The following NUP98 variants were observed in gnomAD, a reference collection of about 807,000 sequenced individuals.
NUP98 encodes nuclear pore complex protein Nup98-Nup96.
A neutral mutation model predicts 191.9 loss-of-function variants in NUP98; 26 were observed. The ratio of observed to expected loss-of-function variants is 0.14; its 90% CI spans 0.10 to 0.19. The LOEUF is 0.19. Ranked by LOEUF, NUP98 falls within the 10% of genes least tolerant of loss-of-function variation. The probability of loss-of-function intolerance (pLI) is 1.00; values close to 1 mark genes in which losing one functional copy is unlikely to be tolerated. For missense variants in NUP98, 1,941 were observed against 2,178.8 expected (o/e 0.89, Z 2.17); for synonymous variants, 808 against 778.4 (o/e 1.04, Z -0.63).
intron 7 of NUP98, among the ~76,000 whole-genome samples, chr11:3,769,325 C>A (rs977760407): frequency 4.6e-5 from 7 of 151,948 alleles, no homozygotes; most frequent in Non-Finnish European, 1.0e-4. Context: ...ACTTGGGAGA[C>A]CGAGGTGGGT....
In NUP98 at chr11:3,729,559, A is replaced by T. The variant is rs866062829; in HGVS notation, c.1730+1832T>A. On this transcript the variant is annotated intron_variant, in intron 14 of 32. Transcript: ENST00000324932. ...CTGTATCTCCAAAAAAAAAAAAAAAAAAAAAAAAATTACTGGGCATGGTGG... is the reference window on the plus strand; with the variant it reads ...CTGTATCTCCAAAAAAAAAAAAAAATAAAAAAAAATTACTGGGCATGGTGG... Among the ~76,000 whole-genome samples, 130 of 148,910 alleles carry T rather than the reference A, an allele frequency of 8.7e-4. 1 individual carries two copies. The highest frequency in any genetic ancestry group is 3.1e-3 in the African/African-American group (124 of 40,638).
intron 5 of NUP98, 48 bp from the exon 6 acceptor site, chr11:3,773,787 C>T (rs762127983): frequency 9.1e-7 from 1 of 1,098,448 alleles, no homozygotes; most frequent in Non-Finnish European, 1.4e-6. Context: ...TTTTACATTC[C>T]TACTCTCTCA....
Position 3,695,517 on chromosome 11 carries a change from G to C in NUP98, c.4099C>G (p.Gln1367Glu), listed in dbSNP as rs758120825. Residue 1367 changes from glutamine (Q) to glutamate (E), a missense_variant, in exon 26 of 33, where the codon CAG becomes GAG. Physicochemically the swap from Gln to Glu is conservative, Grantham distance 29. This residue lies in a region of NUP98 where 1,030 missense variants were observed against 1,115.8 expected (regional missense o/e 0.92). Coordinates refer to ENST00000324932, the MANE Select transcript of NUP98 (RefSeq NM_016320.5). ...TGGATGAAGGAGTCTGCTTGGAGCT[G>C]ATGCCAGTCCACCAACTGCATGGTG... The part of the protein sequence containing the change: ...LLTMQLVDWH[Q>E]LQADSFIQDE... 6.2e-7 allele frequency: 1 copy of C among 1,611,572 alleles called. No individual in the cohort carries two copies. Among genetic ancestry groups the C allele is most frequent in the South Asian group, 1.1e-5 (1 of 90,514 alleles).
At position 3,691,428 on chromosome 11, in the gene NUP98, C is replaced by A. The variant is rs1410356079; in HGVS notation, c.4373G>T (p.Gly1458Val). Reference protein sequence around the residue: ...SPLPSYLEGSGCVIAEEQNSQ... With the variant: ...SPLPSYLEGSVCVIAEEQNSQ... ...GTTTTGCTCCTCCGCTATCACACAG[C>A]CAGAACCCTCCAGATACGAAGGAAG... Residue 1458 changes from glycine (G) to valine (V), a missense_variant, in exon 28 of 33, where the codon GGC (glycine) becomes GTC (valine). This residue lies in a region of NUP98 where 1,030 missense variants were observed against 1,115.8 expected (regional missense o/e 0.92). Coordinates refer to ENST00000324932, the MANE Select transcript of NUP98 (RefSeq NM_016320.5). The A allele has an allele frequency of 6.2e-7, 1 of 1,614,052 alleles. No homozygotes were observed. The highest frequency in any genetic ancestry group is 1.3e-5 in the African/African-American group (1 of 74,924).
intron 14 of NUP98, among the ~76,000 whole-genome samples, chr11:3,727,133 G>C (rs992574719): frequency 6.6e-6 from 1 of 152,026 alleles, no homozygotes; most frequent in Non-Finnish European, 1.5e-5. Flanking sequence ...TGTTCATGAG[G>C]TCAGCATAAT....
chr11:3,762,608 A>G (rs2081212121), intron 9 of NUP98, among the ~76,000 whole-genome samples: 1 of 152,194 alleles, frequency 6.6e-6, no homozygotes, highest in South Asian at 2.1e-4. Flanking sequence ...AAGCAAAAGA[A>G]TTTCAATTTA....
intron 11 of NUP98, among the ~76,000 whole-genome samples, chr11:3,746,650 C>A (rs1168847274): frequency 6.6e-6 from 1 of 151,702 alleles, no homozygotes; most frequent in African/African-American, 2.4e-5. Context: ...CGGTGGCTCA[C>A]GCCTGTAATC....
intron 11 of NUP98, among the ~76,000 whole-genome samples, chr11:3,747,816 A>C (rs1471086859): frequency 6.6e-6 from 1 of 152,216 alleles, no homozygotes. Flanking sequence ...CTACCTGTTA[A>C]ACCATGAAAT....
intron 12 of NUP98, among the ~76,000 whole-genome samples, chr11:3,743,443 G>T (rs1041128285): frequency 4.1e-5 from 6 of 146,978 alleles, no homozygotes; most frequent in Admixed American, 4.1e-4. Context: ...TCAGGAGATC[G>T]AGACCATCCT....
At position 3,699,158 on chromosome 11, in the gene NUP98, G is replaced by C; in HGVS notation, c.3933C>G (p.Asn1311Lys). ...AGCTGAATACAGCCTCCACAGGGCT[G>C]TTTTTTTGGGTTAAGGAGACTTCCT... ...IEEEVSLTQK[N>K]SPVEAVFSYL... The change falls in exon 25 of 33, where the codon AAC becomes AAG. Residue 1311 changes from asparagine to lysine, a missense_variant. Transcript: ENST00000324932. 1 of 1,613,980 alleles carries C rather than the reference G, an allele frequency of 6.2e-7. No homozygotes were observed. Among genetic ancestry groups the C allele is most frequent in the Non-Finnish European group, 8.5e-7 (1 of 1,180,024 alleles).
intron 10 of NUP98, among the ~76,000 whole-genome samples, chr11:3,756,251 G>A (rs1311695976): frequency 6.6e-6 from 1 of 152,082 alleles, no homozygotes; most frequent in Non-Finnish European, 1.5e-5. Flanking sequence ...CCACAGAAGG[G>A]AAATAAATCC....
chr11:3,782,756 C>T (rs954721383), intron 1 of NUP98, among the ~76,000 whole-genome samples: 1 of 151,824 alleles, frequency 6.6e-6, no homozygotes, highest in Non-Finnish European at 1.5e-5. Flanking sequence ...GTTGGCCAGG[C>T]TGGTCTTAAA....
chr11:3,726,770 T>C (rs1480466608), intron 14 of NUP98, among the ~76,000 whole-genome samples: 2 of 151,880 alleles, frequency 1.3e-5, no homozygotes, highest in Admixed American at 1.3e-4. Flanking sequence ...TCAGATTAGA[T>C]TACCAACTTT....
chr11:3,787,147 T>A (rs1256337699), intron 1 of NUP98, among the ~76,000 whole-genome samples: 1 of 152,202 alleles, frequency 6.6e-6, no homozygotes, highest in Non-Finnish European at 1.5e-5. Flanking sequence ...CGAGGCTGGG[T>A]GGAATTCCAG....
In NUP98 at chr11:3,786,498, A is replaced by T. The variant is rs1256211307; in HGVS notation, c.-28-4353T>A. 4.6e-5 allele frequency among the ~76,000 whole-genome samples: 7 copies of T among 152,220 alleles called. No homozygotes were observed. The South Asian group carries it at 1.2e-3, about 27-fold the overall frequency. ...TTTGATATATTTAAAAAGAAAAATG[A>T]AATAGTGTTATATAGAAAAGAAACC... On this transcript the variant is annotated intron_variant, in intron 1 of 32. Transcript: ENST00000324932.
intron 11 of NUP98, among the ~76,000 whole-genome samples, chr11:3,746,269 C>CAAAAAAA (rs66773761): frequency 1.5e-4 from 5 of 33,926 alleles, no homozygotes; most frequent in Admixed American, 4.1e-4. Context: ...AACTTTATCT[C>CAAAAAAA]AAAAAAAAAA....
intron 10 of NUP98, among the ~76,000 whole-genome samples, chr11:3,758,448 C>T (rs1452928884): frequency 6.6e-6 from 1 of 152,076 alleles, no homozygotes; most frequent in East Asian, 1.9e-4. Context: ...TTGAGAAACG[C>T]TAACTGACCC....
At chr11:3,771,681 C>T in intron 7 of NUP98, 67 bp downstream of exon 7, 1 of 1,412,850 alleles carries the variant, frequency 7.1e-7, no homozygotes, top group Non-Finnish European at 9.9e-7. Flanking sequence ...CCCAAAATGG[C>T]AATTATGTTT....
chr11:3,795,151 C>T (rs1329180973), intron 1 of NUP98, among the ~76,000 whole-genome samples: 4 of 152,088 alleles, frequency 2.6e-5, no homozygotes, highest in African/African-American at 9.7e-5. Context: ...GACATAAAGT[C>T]AGGTACTGGC....
Sources: allele counts gnomAD v4.1 joint callset (sites outside exome capture counted in the v4.1 genomes callset), GRCh38; gene constraint gnomAD v4.1.1; regional missense constraint gnomAD v4.1.1; transcripts MANE v1.5; gene names NCBI Gene and HGNC (gene_info 2026-07-23, HGNC 2026-07-21).